Variants in EEFSEC observed in about 807,000 individuals in gnomAD.
EEFSEC encodes selenocysteine-specific elongation factor.
Under a neutral mutation model 42.1 loss-of-function variants are expected in EEFSEC, and 43 were observed. The observed-to-expected ratio is 1.02, with a 90% CI of 0.80 to 1.32. EEFSEC has a LOEUF of 1.32. Ranked by LOEUF, EEFSEC falls within the 40% of genes most tolerant of loss-of-function variation. EEFSEC has a pLI of 0.00. For missense variants in EEFSEC, 745 were observed against 803.6 expected (o/e 0.93, Z 0.88); for synonymous variants, 354 against 339.1 (o/e 1.04, Z -0.48).
intron 1 of EEFSEC, among the ~76,000 whole-genome samples, chr3:128,212,494 G>A (rs1448898586): frequency 1.3e-5 from 2 of 152,172 alleles, no homozygotes; most frequent in Non-Finnish European, 2.9e-5. Flanking sequence ...TTCACCTCAG[G>A]AAGGCTGCTG....
chr3:128,312,262 C>G (rs959452912), intron 4 of EEFSEC, among the ~76,000 whole-genome samples: 6 of 152,228 alleles, frequency 3.9e-5, no homozygotes, highest in Admixed American at 2.6e-4. Flanking sequence ...TCATCTCTCT[C>G]TGAGATGAGA....
At chr3:128,267,235 G>A (rs1167457414) in intron 4 of EEFSEC, among the ~76,000 whole-genome samples, 1 of 152,134 alleles carries the variant, frequency 6.6e-6, no homozygotes, top group African/African-American at 2.4e-5. Context: ...AGGGATGTTC[G>A]AGTGGGGTCC....
intron 2 of EEFSEC, among the ~76,000 whole-genome samples, chr3:128,257,070 AGAGT>A (rs1305329189): frequency 2.6e-5 from 4 of 152,166 alleles, no homozygotes; most frequent in African/African-American, 9.7e-5. Context: ...TGAAAGCTCT[AGAGT>A]TTGCTGATTT....
intron 6 of EEFSEC, among the ~76,000 whole-genome samples, chr3:128,384,581 A>G (rs1276463659): frequency 1.3e-5 from 2 of 152,212 alleles, no homozygotes; most frequent in Admixed American, 6.5e-5. Flanking sequence ...CGCATGCACA[A>G]GCACGCCAGT....
intron 4 of EEFSEC, among the ~76,000 whole-genome samples, chr3:128,318,875 C>G (rs934816460): frequency 1.3e-5 from 2 of 152,246 alleles, no homozygotes; most frequent in Non-Finnish European, 2.9e-5. Context: ...GCGTGTACAG[C>G]AGCTCCTTAT....
chr3:128,374,968 C>T (rs2067693133), intron 6 of EEFSEC, among the ~76,000 whole-genome samples: 1 of 152,222 alleles, frequency 6.6e-6, no homozygotes, highest in Non-Finnish European at 1.5e-5. Flanking sequence ...CATTTTTGTC[C>T]ATCTGTTCCA....
At chr3:128,300,064 C>T (rs1490161521) in intron 4 of EEFSEC, among the ~76,000 whole-genome samples, 1 of 152,170 alleles carries the variant, frequency 6.6e-6, no homozygotes, top group East Asian at 1.9e-4. Flanking sequence ...AGTCAGCTCC[C>T]CGGCAGAGCA....
intron 4 of EEFSEC, among the ~76,000 whole-genome samples, chr3:128,304,338 GT>G (rs1244092190): frequency 6.6e-6 from 1 of 151,506 alleles, no homozygotes; most frequent in African/African-American, 2.4e-5. Context: ...GAGTTTCTGA[GT>G]TTTTTTCAAA....
intron 1 of EEFSEC, among the ~76,000 whole-genome samples, chr3:128,213,547 A>G (rs929793938): frequency 6.6e-6 from 1 of 152,060 alleles, no homozygotes; most frequent in African/African-American, 2.4e-5. Context: ...GTAGCCCAGG[A>G]ACTGCCTTAC....
chr3:128,328,373 G>A lies in EEFSEC; in HGVS notation c.787-12860G>A, dbSNP rs72977313. 9.1e-4 allele frequency among the ~76,000 whole-genome samples: 138 copies of A among 152,300 alleles called. 1 individual carries two copies. The highest frequency in any genetic ancestry group is 3.2e-3 in the African/African-American group (131 of 41,548). On this transcript the variant is annotated intron_variant, in intron 4 of 6. Transcript: ENST00000254730. ...GCCCATGCCTCAAGCCACATGCGCCGTCCAGATGTCAGAATGCAGGTAGGC... is the reference window on the plus strand; with the variant it reads ...GCCCATGCCTCAAGCCACATGCGCCATCCAGATGTCAGAATGCAGGTAGGC...
chr3:128,416,999 C>CA, the EEFSEC span, among the ~76,000 whole-genome samples: 1 of 152,094 alleles, frequency 6.6e-6, no homozygotes, highest in Non-Finnish European at 1.5e-5. Context: ...CCATGCCTCT[C>CA]ACTGTCCCAG....
intron 2 of EEFSEC, among the ~76,000 whole-genome samples, chr3:128,257,852 G>A (rs374906227): frequency 8.5e-5 from 13 of 152,296 alleles, no homozygotes; most frequent in African/African-American, 3.1e-4. Flanking sequence ...CCAGCATGGA[G>A]GTTTGGCATG....
intron 4 of EEFSEC, among the ~76,000 whole-genome samples, chr3:128,319,965 C>T (rs1176692903): frequency 6.6e-6 from 1 of 152,238 alleles, no homozygotes; most frequent in Admixed American, 6.5e-5. Context: ...AGGTTTGGCC[C>T]TGCTGATTGG....
At chr3:128,154,307 C>A (rs904134011) in intron 1 of EEFSEC, among the ~76,000 whole-genome samples, 16 of 152,124 alleles carry the variant, frequency 1.1e-4, no homozygotes, top group Admixed American at 4.6e-4. Flanking sequence ...TGTATAAATC[C>A]CTCTTTCCCT....
chr3:128,253,181 T>C (rs1576582656), intron 2 of EEFSEC, among the ~76,000 whole-genome samples: 1 of 152,236 alleles, frequency 6.6e-6, no homozygotes, highest in South Asian at 2.1e-4. Context: ...ATAAAGATAG[T>C]TGAATTTCCA....
chr3:128,251,286 T>C (rs760988392), intron 2 of EEFSEC, among the ~76,000 whole-genome samples: 1 of 152,218 alleles, frequency 6.6e-6, no homozygotes, highest in Non-Finnish European at 1.5e-5. Context: ...TGAACATCTC[T>C]GTACATCATT....
chr3:128,197,707 C>T (rs755077739), intron 1 of EEFSEC, among the ~76,000 whole-genome samples: 6 of 152,160 alleles, frequency 3.9e-5, no homozygotes, highest in South Asian at 2.1e-4. Flanking sequence ...TTTCAAGCCC[C>T]GTTTCTTGTC....
intron 5 of EEFSEC, among the ~76,000 whole-genome samples, chr3:128,348,145 A>G (rs1010531155): frequency 1.1e-4 from 17 of 152,208 alleles, no homozygotes; most frequent in African/African-American, 4.1e-4. Flanking sequence ...GGCCACAGAG[A>G]AAAAACCCTA....
Position 128,153,738 on chromosome 3 carries a change from C to G in EEFSEC, c.231C>G (p.Ala77=). The change falls in exon 1 of 7, where the codon GCC becomes GCG. Residue 77 remains alanine, a synonymous_variant. Transcript: ENST00000254730. ...CCGAGTTCCAGGCAGCGCCCGAGGC[C>G]GAGCCCGAGCCCGGCGAGCCACTGC... is the stretch of plus-strand genomic sequence containing the variant. ...SLPEFQAAPE[A]EPEPGEPLLQ... is the part of the protein sequence containing the mutation. 1.3e-6 allele frequency: 2 copies of G among 1,538,006 alleles called. No individual in the cohort carries two copies. Among genetic ancestry groups the G allele is most frequent in the Non-Finnish European group, 1.7e-6 (2 of 1,151,192 alleles).
Sources: gnomAD v4.1 joint callset for allele counts (sites outside exome capture counted in the v4.1 genomes callset) on GRCh38, gnomAD v4.1.1 for gene constraint, MANE v1.5 for transcripts, NCBI Gene and HGNC (gene_info 2026-07-23, HGNC 2026-07-21) for gene names.